The following CELF2 variants were observed in gnomAD, a reference collection of about 807,000 sequenced individuals.
CELF2 encodes CUG triplet repeat RNA-binding protein 2.
In CELF2, 8 loss-of-function variants were observed where a neutral mutation model predicts 62.6. That is an observed-to-expected ratio of 0.13 (90% CI 0.07 to 0.23). The LOEUF is 0.23. CELF2 is among the 10% of genes least tolerant of loss of function. The pLI, the probability that CELF2 is intolerant of heterozygous loss-of-function variation, is 1.00. For missense variants in CELF2, 333 were observed against 671.0 expected, an observed-to-expected ratio of 0.50 and a Z score of 5.56; for synonymous variants, 258 against 250.0, an observed-to-expected ratio of 1.03 and a Z score of -0.30.
At chr10:10,609,168 A>G in the CELF2 span, among the ~76,000 whole-genome samples, 3 of 152,188 alleles carry the variant, frequency 2.0e-5, no homozygotes, top group Admixed American at 6.5e-5. Context: ...AGGTGAGAGA[A>G]CTAAGTTCAG....
chr10:11,072,163 T>C (rs777330898), intron 1 of CELF2, among the ~76,000 whole-genome samples: 37 of 152,200 alleles, frequency 2.4e-4, no homozygotes, highest in Admixed American at 5.2e-4. Flanking sequence ...GTTTTTTCTT[T>C]AGGATCAAAG....
the CELF2 span, among the ~76,000 whole-genome samples, chr10:10,773,052 A>G: frequency 6.6e-6 from 1 of 152,340 alleles, no homozygotes. Flanking sequence ...GGTAATTTAA[A>G]CTGCCTGACA....
intron 2 of CELF2, among the ~76,000 whole-genome samples, chr10:10,930,399 G>A (rs2065943613): frequency 6.6e-6 from 1 of 152,074 alleles, no homozygotes; most frequent in Admixed American, 6.6e-5. Flanking sequence ...TATCTGCTCT[G>A]TAATTCAAAG....
At chr10:10,636,204 G>A in the CELF2 span, among the ~76,000 whole-genome samples, 1 of 152,258 alleles carries the variant, frequency 6.6e-6, no homozygotes, top group South Asian at 2.1e-4. Context: ...TTCTCTGCAT[G>A]ATCAAAACAA....
chr10:10,827,506 TTCA>T (rs2057489771), intron 1 of CELF2, among the ~76,000 whole-genome samples: 1 of 152,190 alleles, frequency 6.6e-6, no homozygotes, highest in Admixed American at 6.5e-5. Flanking sequence ...CGAAACAGGA[TTCA>T]TCCACTGATT....
At position 11,191,303 on chromosome 10, in the gene CELF2, G is replaced by T; in HGVS notation, c.271+25621G>T. ...ATGGGCAGGAGTGGGAGTGTGGGAA[G>T]GGGCCATGCTCTGTTGATCTCAGCC... On this transcript the variant is annotated intron_variant, in intron 2 of 12. Coordinates refer to ENST00000633077, the MANE Select transcript of CELF2 (RefSeq NM_001326342.2). The surrounding 1 kb of genome is among the most constrained non-coding windows in gnomAD (Gnocchi z 4.1). 6.6e-6 allele frequency among the ~76,000 whole-genome samples: 1 copy of T among 152,214 alleles called. No homozygotes were observed. The highest frequency in any genetic ancestry group is 1.9e-4 in the East Asian group (1 of 5,198).
chr10:10,547,402 G>A, the CELF2 span, among the ~76,000 whole-genome samples: 15 of 152,190 alleles, frequency 9.9e-5, no homozygotes, highest in Middle Eastern at 3.2e-3. Flanking sequence ...GACTTTGCCT[G>A]TGACAGAGTG....
chr10:11,077,502 G>T (rs921532175), intron 1 of CELF2, among the ~76,000 whole-genome samples: 1 of 152,164 alleles, frequency 6.6e-6, no homozygotes, highest in African/African-American at 2.4e-5. Flanking sequence ...ATTTGTTGGC[G>T]TTCGAAACTT....
rs1245742283 is a variant in CELF2 at position 11,005,997 on chromosome 10, G to A, written c.53+557G>A. ...CATGCATGGCGTCCTGGGTCCCCAT[G>A]TATTGAAAGCAAATATTTGTTTCCT... On this transcript the variant is annotated intron_variant, in intron 1 of 12. Coordinates refer to the CELF2 transcript ENST00000416382. The surrounding 1 kb of genome is among the most constrained non-coding windows in gnomAD (Gnocchi z 4.3). Among the ~76,000 whole-genome samples, 19 of 152,154 alleles carry A rather than the reference G, an allele frequency of 1.2e-4. No homozygotes were observed. The highest frequency in any genetic ancestry group is 1.2e-3 in the Admixed American group (19 of 15,272).
At chr10:10,755,558 C>G in the CELF2 span, among the ~76,000 whole-genome samples, 9 of 152,212 alleles carry the variant, frequency 5.9e-5, no homozygotes, top group Non-Finnish European at 1.0e-4. Context: ...GACACAGCAC[C>G]AGTCGCTCTA....
At chr10:10,512,350 T>C in the CELF2 span, among the ~76,000 whole-genome samples, 3 of 150,796 alleles carry the variant, frequency 2.0e-5, no homozygotes, top group Non-Finnish European at 4.4e-5. Flanking sequence ...TGATGCACAT[T>C]AAACACAAGA....
the CELF2 span, among the ~76,000 whole-genome samples, chr10:10,634,107 T>A: frequency 1.3e-5 from 2 of 152,154 alleles, no homozygotes; most frequent in African/African-American, 4.8e-5. Context: ...CTTGTCTTGA[T>A]ACTTTAATTG....
intron 1 of CELF2, among the ~76,000 whole-genome samples, chr10:10,840,417 G>C (rs1035042741): frequency 6.6e-6 from 1 of 152,082 alleles, no homozygotes; most frequent in Non-Finnish European, 1.5e-5. Context: ...GGTATTTAGT[G>C]GTATCTCATT....
intron 1 of CELF2, among the ~76,000 whole-genome samples, chr10:10,889,835 C>A (rs1220633039): frequency 1.3e-5 from 2 of 152,166 alleles, no homozygotes; most frequent in Admixed American, 1.3e-4. Context: ...AACCGTGGTT[C>A]TGATTCTAAG....
At chr10:10,849,977 C>G (rs894520656) in intron 1 of CELF2, among the ~76,000 whole-genome samples, 2 of 149,632 alleles carry the variant, frequency 1.3e-5, no homozygotes, top group African/African-American at 4.9e-5. Flanking sequence ...CCCATCTCTA[C>G]TAAAAATACG....
the CELF2 span, among the ~76,000 whole-genome samples, chr10:10,774,884 T>A: frequency 3.0e-5 from 2 of 67,666 alleles, no homozygotes. Context: ...TATTTATTTA[T>A]TTTTTTTTTT....
In CELF2 at chr10:10,897,213, G is replaced by A. The variant is rs151108376; in HGVS notation, c.54-22751G>A. 6.5e-4 allele frequency among the ~76,000 whole-genome samples: 99 copies of A among 152,232 alleles called. 3 individuals carry two copies. In the East Asian group the frequency reaches 0.018, roughly 27 times the overall value. On this transcript the variant is annotated intron_variant, in intron 1 of 13. Transcript: ENST00000636488. ...CCTATATCATCATGAATAGATTGTTGGTAGAAATTAGAATATTTCAGGTGC... is the reference window on the plus strand; with the variant it reads ...CCTATATCATCATGAATAGATTGTTAGTAGAAATTAGAATATTTCAGGTGC...
At chr10:11,258,011 A>G in intron 5 of CELF2, 139 bp downstream of exon 5, 1 of 936,466 alleles carries the variant, frequency 1.1e-6, no homozygotes, top group Admixed American at 2.6e-5. Flanking sequence ...TCCAACCTGA[A>G]CTTTTCACCA....
chr10:10,620,990 G>C, the CELF2 span, among the ~76,000 whole-genome samples: 1 of 147,582 alleles, frequency 6.8e-6, no homozygotes. Context: ...TTGGGAGGCC[G>C]AGGCGGGCAG....
Sources: allele counts gnomAD v4.1 joint callset (sites outside exome capture counted in the v4.1 genomes callset), GRCh38; gene constraint gnomAD v4.1.1; non-coding constraint Gnocchi (gnomAD v3.1); transcripts MANE v1.5; gene names NCBI Gene and HGNC (gene_info 2026-07-23, HGNC 2026-07-21).